The following CYSLTR2 variants were observed in gnomAD, a reference collection of about 807,000 sequenced individuals.
CYSLTR2 encodes cysteinyl leukotriene receptor 2, also known as G-protein coupled receptor GPCR21.
For synonymous variants in CYSLTR2, 179 were observed against 160.8 expected (o/e 1.11, Z -0.86); for missense variants, 398 against 411.9 (o/e 0.97, Z 0.29).
At chr13:48,669,363 T>C (rs1042298718) in intron 1 of CYSLTR2, among the ~76,000 whole-genome samples, 12 of 151,992 alleles carry the variant, frequency 7.9e-5, no homozygotes, top group Admixed American at 2.0e-4. Flanking sequence ...ATGCCATGAT[T>C]GTTTGCTGCA....
At chr13:48,660,947 C>G (rs73182544) in intron 1 of CYSLTR2, among the ~76,000 whole-genome samples, 5,833 of 152,210 alleles carry the variant, frequency 0.038, 161 homozygotes, top group Non-Finnish European at 0.059. Flanking sequence ...ATTCTGTCAG[C>G]CTTTGCAATA....
chr13:48,657,810 T>A (rs1462622488), intron 1 of CYSLTR2, among the ~76,000 whole-genome samples: 1 of 151,278 alleles, frequency 6.6e-6, no homozygotes, highest in Non-Finnish European at 1.5e-5. Context: ...TTTTGTCAAA[T>A]TATTATTTTT....
Position 48,706,839 on chromosome 13 carries a change from T to G in CYSLTR2, c.22T>G (p.Leu8Val), listed in dbSNP as rs1350655982. The change falls in exon 5 of 5, where the codon TTG (leucine) becomes GTG (valine). Residue 8 changes from leucine to valine, a missense_variant. By Grantham distance (32) the Leu-to-Val change is conservative. Coordinates refer to ENST00000682523, the MANE Select transcript of CYSLTR2 (RefSeq NM_001308476.3). ...CAGCATGGAGAGAAAATTTATGTCC[T>G]TGCAACCATCCATCTCCGTATCAGA... Reference protein sequence around the residue: MERKFMSLQPSISVSEME... With the variant: MERKFMSVQPSISVSEME... 6.2e-7 allele frequency: 1 copy of G among 1,613,144 alleles called. No homozygotes were observed.
At chr13:48,686,432 T>C (rs1953895072) in intron 1 of CYSLTR2, among the ~76,000 whole-genome samples, 2 of 152,264 alleles carry the variant, frequency 1.3e-5, no homozygotes, top group South Asian at 4.2e-4. Context: ...ATAAGATTTG[T>C]GCTCATGTTA....
At chr13:48,688,094 G>C (rs952835625) in intron 1 of CYSLTR2, among the ~76,000 whole-genome samples, 3 of 152,086 alleles carry the variant, frequency 2.0e-5, no homozygotes, top group African/African-American at 7.2e-5. Flanking sequence ...AGAGTTTGCT[G>C]ATAGGCTTGT....
At position 48,707,139 on chromosome 13, in the gene CYSLTR2, G is replaced by A. The variant is rs200289548; in HGVS notation, c.322G>A (p.Asp108Asn). 2.5e-6 allele frequency: 4 copies of A among 1,614,148 alleles called. No homozygotes were observed. The highest frequency in any genetic ancestry group is 1.3e-5 in the African/African-American group (1 of 75,042). ...YLRGSNWIFG[D>N]LACRIMSYSL... Reference sequence around the variant, plus strand: ...TAGAGGCTCCAATTGGATATTTGGAGACCTGGCCTGCAGGATTATGTCTTA... The same window carrying A: ...TAGAGGCTCCAATTGGATATTTGGAAACCTGGCCTGCAGGATTATGTCTTA... The change falls in exon 5 of 5, where the codon GAC (aspartate) becomes AAC (asparagine). Residue 108 changes from aspartate to asparagine, a missense_variant. By Grantham distance (23) the Asp-to-Asn change is conservative. Transcript: ENST00000682523.
intron 1 of CYSLTR2, among the ~76,000 whole-genome samples, chr13:48,684,687 C>G (rs1239630705): frequency 6.6e-6 from 1 of 152,050 alleles, no homozygotes; most frequent in Non-Finnish European, 1.5e-5. Flanking sequence ...TATGTACCCC[C>G]AAACAATATG....
chr13:48,696,888 A>T (rs1439578093), intron 4 of CYSLTR2, among the ~76,000 whole-genome samples: 1 of 152,006 alleles, frequency 6.6e-6, no homozygotes, highest in East Asian at 1.9e-4. Context: ...GGAGGGTCCC[A>T]CGCCCACGGA....
chr13:48,696,376 T>C (rs1292231823), intron 3 of CYSLTR2, 150 bp from the exon 4 acceptor site: 1 of 152,226 alleles, frequency 6.6e-6, no homozygotes, highest in African/African-American at 2.4e-5. Flanking sequence ...CAGAGTATTT[T>C]GTGGAGCAAA....
At chr13:48,677,912 A>G (rs984075940) in intron 1 of CYSLTR2, among the ~76,000 whole-genome samples, 1 of 141,542 alleles carries the variant, frequency 7.1e-6, no homozygotes, top group Non-Finnish European at 1.5e-5. Flanking sequence ...TTCATCACCC[A>G]GGCTGGAGTG....
intron 1 of CYSLTR2, among the ~76,000 whole-genome samples, chr13:48,669,680 G>C (rs1953368408): frequency 6.6e-6 from 1 of 152,128 alleles, no homozygotes; most frequent in South Asian, 2.1e-4. Context: ...GTCTATCATT[G>C]ATGGGCTTTT....
At position 48,708,238 on chromosome 13, in the gene CYSLTR2, A is replaced by T. The variant is rs576671573; in HGVS notation, c.*380A>T. 1 of 177,166 alleles carries T rather than the reference A, an allele frequency of 5.6e-6. No homozygotes were observed. Among genetic ancestry groups the T allele is most frequent in the Admixed American group, 6.0e-5 (1 of 16,536 alleles). 11.0% of individuals were successfully genotyped at this position (177,166 alleles called of 1,614,324 possible). Reference sequence around the variant, plus strand: ...TTCTCCAGCTCCCCTGTCCTCTTCAATCCCTTGAGATATAGCCAACTAACG... The same window carrying T: ...TTCTCCAGCTCCCCTGTCCTCTTCATTCCCTTGAGATATAGCCAACTAACG... On this transcript the variant is annotated 3_prime_UTR_variant, in exon 5 of 5. Transcript: ENST00000682523.
At chr13:48,661,850 G>T (rs1953138318) in intron 1 of CYSLTR2, among the ~76,000 whole-genome samples, 1 of 151,994 alleles carries the variant, frequency 6.6e-6, no homozygotes, top group Non-Finnish European at 1.5e-5. Context: ...ATTTCCTTTT[G>T]TTGGGATCGT....
At chr13:48,690,613 C>T (rs767563397) in intron 1 of CYSLTR2, among the ~76,000 whole-genome samples, 2 of 152,076 alleles carry the variant, frequency 1.3e-5, no homozygotes, top group Non-Finnish European at 2.9e-5. Context: ...CCAACTGGAT[C>T]GTAATGTATA....
chr13:48,695,307 C>T (rs1297933456), intron 3 of CYSLTR2, among the ~76,000 whole-genome samples: 1 of 142,864 alleles, frequency 7.0e-6, no homozygotes, highest in African/African-American at 2.6e-5. Flanking sequence ...TTTCTTCTTT[C>T]TTTCTCTCTC....
intron 1 of CYSLTR2, among the ~76,000 whole-genome samples, chr13:48,663,872 A>G (rs1953191614): frequency 6.6e-6 from 1 of 152,008 alleles, no homozygotes; most frequent in African/African-American, 2.4e-5. Context: ...ATATTGAATA[A>G]GAGTGGTGAG....
chr13:48,654,278 T>TGTGTGTGA (rs1952945611), intron 1 of CYSLTR2, among the ~76,000 whole-genome samples: 3 of 112,192 alleles, frequency 2.7e-5, no homozygotes, highest in African/African-American at 1.5e-4. Flanking sequence ...TGTGTGTGTG[T>TGTGTGTGA]GTGTGTGTGT....
At position 48,707,075 on chromosome 13, in the gene CYSLTR2, G is replaced by T. The variant is rs1327881294; in HGVS notation, c.258G>T (p.Leu86=). 2 of 1,614,070 alleles carry T rather than the reference G, an allele frequency of 1.2e-6. No individual in the cohort carries two copies. The highest frequency in any genetic ancestry group is 1.3e-5 in the African/African-American group (1 of 74,922). Residue 86 remains leucine (L), a synonymous_variant, in exon 5 of 5, where the codon CTG becomes CTT. Transcript: ENST00000682523. ...TAAATCTGGCCATTTCAGATCTCCT[G>T]TTCATAAGCACGCTTCCCTTCAGGG... The part of the protein sequence containing the change: ...FMLNLAISDL[L]FISTLPFRAD...
At chr13:48,706,344 C>T (rs972886501) in intron 4 of CYSLTR2, among the ~76,000 whole-genome samples, 13 of 152,234 alleles carry the variant, frequency 8.5e-5, no homozygotes, top group South Asian at 2.1e-4. Flanking sequence ...CTTAGTTTTC[C>T]GTCTGAAAAA....
Sources: allele counts gnomAD v4.1 joint callset (sites outside exome capture counted in the v4.1 genomes callset), GRCh38; gene constraint gnomAD v4.1.1; transcripts MANE v1.5; gene names NCBI Gene and HGNC (gene_info 2026-07-23, HGNC 2026-07-21).